Variants in PVT1 observed in about 807,000 individuals in gnomAD.
PVT1 encodes CXCR4/PVT1 fusion.
At chr8:127,924,330 A>AT (rs1279811918) in intron 3 of PVT1, among the ~76,000 whole-genome samples, 5 of 151,678 alleles carry the variant, frequency 3.3e-5, no homozygotes, top group African/African-American at 9.7e-5. Context: ...ATACAACACA[A>AT]TTTTTTTTGT....
intron 3 of PVT1, among the ~76,000 whole-genome samples, chr8:127,923,846 G>A (rs931283776): frequency 2.0e-5 from 3 of 152,158 alleles, no homozygotes; most frequent in Non-Finnish European, 4.4e-5. Context: ...GGTGTGCCGC[G>A]CTTCTCCCAG....
intron 2 of PVT1, among the ~76,000 whole-genome samples, chr8:127,870,405 A>G (rs75750922): frequency 6.6e-6 from 1 of 152,334 alleles, no homozygotes; most frequent in Non-Finnish European, 1.5e-5. Flanking sequence ...TTGGACATCT[A>G]GTCCCCAGAA....
At chr8:127,800,531 G>T (rs1217809204) in intron 2 of PVT1, among the ~76,000 whole-genome samples, 1 of 152,196 alleles carries the variant, frequency 6.6e-6, no homozygotes, top group African/African-American at 2.4e-5. Context: ...TTACTATGTA[G>T]TGGTAGTTGC....
intron 2 of PVT1, among the ~76,000 whole-genome samples, chr8:127,864,611 G>T (rs1297447139): frequency 1.3e-5 from 2 of 151,838 alleles, no homozygotes; most frequent in African/African-American, 4.8e-5. Context: ...GCAGTGGCGC[G>T]ATCTCGGCTC....
chr8:127,808,061 C>T (rs1814547533), intron 2 of PVT1, among the ~76,000 whole-genome samples: 1 of 150,256 alleles, frequency 6.7e-6, no homozygotes, highest in South Asian at 2.1e-4. Flanking sequence ...AGCCACCGGG[C>T]CCGGCTGAGA....
chr8:127,800,977 G>A (rs1428520864), intron 2 of PVT1, among the ~76,000 whole-genome samples: 1 of 152,196 alleles, frequency 6.6e-6, no homozygotes, highest in Non-Finnish European at 1.5e-5. Context: ...GCTCCATGGA[G>A]GAGCTGACGT....
intron 2 of PVT1, among the ~76,000 whole-genome samples, chr8:127,871,736 A>G (rs1815353541): frequency 6.6e-6 from 1 of 152,232 alleles, no homozygotes; most frequent in African/African-American, 2.4e-5. Context: ...CCAGCGAAGC[A>G]TCTGTACTTT....
At chr8:127,955,063 C>A (rs1333168585) in intron 3 of PVT1, among the ~76,000 whole-genome samples, 1 of 152,118 alleles carries the variant, frequency 6.6e-6, no homozygotes, top group Non-Finnish European at 1.5e-5. Flanking sequence ...TGCCAAGGAC[C>A]TCAGAATATG....
intron 4 of PVT1, among the ~76,000 whole-genome samples, chr8:128,036,539 A>G (rs946794362): frequency 3.3e-5 from 5 of 152,114 alleles, no homozygotes; most frequent in Admixed American, 2.6e-4. Context: ...GGTGCCCGAG[A>G]CCCAGCGCTT....
chr8:128,055,163 A>G (rs374858067), intron 4 of PVT1, among the ~76,000 whole-genome samples: 28 of 152,056 alleles, frequency 1.8e-4, no homozygotes, highest in African/African-American at 6.5e-4. Flanking sequence ...AGACACACAC[A>G]TGCACAGACA....
At chr8:127,949,586 C>T (rs569697719) in intron 3 of PVT1, among the ~76,000 whole-genome samples, 9 of 151,982 alleles carry the variant, frequency 5.9e-5, no homozygotes, top group Non-Finnish European at 1.0e-4. Flanking sequence ...GACTTTGGCT[C>T]CTGTCCTGGA....
At chr8:127,933,673 G>T (rs1816238783) in intron 3 of PVT1, among the ~76,000 whole-genome samples, 1 of 152,176 alleles carries the variant, frequency 6.6e-6, no homozygotes, top group Admixed American at 6.5e-5. Context: ...CATCTGCCTA[G>T]TGTGTGGTCA....
intron 4 of PVT1, among the ~76,000 whole-genome samples, chr8:128,007,568 A>C (rs1275107238): frequency 6.6e-6 from 1 of 152,156 alleles, no homozygotes; most frequent in East Asian, 1.9e-4. Context: ...AAGACAGAAC[A>C]ATATAGTGCA....
intron 4 of PVT1, chr8:127,998,110 C>G (rs1817128207): frequency 6.6e-6 from 1 of 152,196 alleles, no homozygotes; most frequent in African/African-American, 2.4e-5. Flanking sequence ...GATTACCTGG[C>G]TGCTGTAGTG....
chr8:127,904,424 G>A (rs1341410185), intron 3 of PVT1, among the ~76,000 whole-genome samples: 1 of 150,888 alleles, frequency 6.6e-6, no homozygotes, highest in East Asian at 1.9e-4. Flanking sequence ...CCTAAATGAT[G>A]TGACCCATTC....
At chr8:128,059,915 G>A (rs2648875) in intron 4 of PVT1, among the ~76,000 whole-genome samples, 51,185 of 151,958 alleles carry the variant, frequency 0.34, 9,586 homozygotes, top group East Asian at 0.59. Flanking sequence ...GCAGGTGAGG[G>A]ATTGTGAGGC....
intron 3 of PVT1, among the ~76,000 whole-genome samples, chr8:127,926,683 CACAG>C (rs902062599): frequency 1.3e-5 from 2 of 152,334 alleles, no homozygotes; most frequent in Non-Finnish European, 2.9e-5. Context: ...TGTTAAATCA[CACAG>C]ACAGACATTC....
chr8:127,830,228 T>C (rs1814834585), intron 2 of PVT1, among the ~76,000 whole-genome samples: 1 of 152,240 alleles, frequency 6.6e-6, no homozygotes, highest in African/African-American at 2.4e-5. Flanking sequence ...CAGCATCTGG[T>C]ATTTTTATGA....
At chr8:127,849,305 G>A (rs1716211855) in intron 2 of PVT1, among the ~76,000 whole-genome samples, 1 of 152,082 alleles carries the variant, frequency 6.6e-6, no homozygotes, top group Admixed American at 6.6e-5. Flanking sequence ...CAGGGTCAGA[G>A]CAGTTTGGTG....
Sources: allele counts gnomAD v4.1 joint callset (sites outside exome capture counted in the v4.1 genomes callset), GRCh38; gene constraint gnomAD v4.1.1; transcripts MANE v1.5; gene names NCBI Gene and HGNC (gene_info 2026-07-23, HGNC 2026-07-21).